The following TNFSF4 variants were observed in gnomAD, a reference collection of about 807,000 sequenced individuals.
TNFSF4 encodes TNF superfamily member 4, also known as tumor necrosis factor ligand superfamily member 4.
Under a neutral mutation model 7.3 loss-of-function variants are expected in TNFSF4, and 4 were observed. The observed-to-expected ratio is 0.55, with a 90% confidence interval of 0.27 to 1.25. The LOEUF is 1.25. Ranked by LOEUF, TNFSF4 falls within the 50% of genes most tolerant of loss-of-function variation. The pLI is 0.12. For missense variants in TNFSF4, 181 were observed against 208.8 expected, an observed-to-expected ratio of 0.87 and a Z score of 0.82; for synonymous variants, 76 against 83.7, an observed-to-expected ratio of 0.91 and a Z score of 0.50.
the TNFSF4 span, among the ~76,000 whole-genome samples, chr1:173,229,411 C>T: frequency 4.6e-5 from 7 of 152,166 alleles, no homozygotes; most frequent in South Asian, 2.1e-4. Context: ...CAGGCCTGCC[C>T]GAAAAGAGCT....
chr1:173,285,369 T>C, the TNFSF4 span, among the ~76,000 whole-genome samples: 46,651 of 152,022 alleles, frequency 0.31, 7,695 homozygotes, highest in Admixed American at 0.4. Flanking sequence ...CTATTTCTGG[T>C]GAAGATGCTG....
chr1:173,238,833 G>T, the TNFSF4 span, among the ~76,000 whole-genome samples: 1 of 151,792 alleles, frequency 6.6e-6, no homozygotes, highest in Non-Finnish European at 1.5e-5. Flanking sequence ...TCATTGTGGA[G>T]TGAACTCAGT....
the TNFSF4 span, among the ~76,000 whole-genome samples, chr1:173,306,539 G>A: frequency 1.3e-5 from 2 of 151,902 alleles, no homozygotes; most frequent in African/African-American, 4.8e-5. Flanking sequence ...AATGTCAGTT[G>A]TTTCTTTCCT....
the TNFSF4 span, among the ~76,000 whole-genome samples, chr1:173,430,063 C>T: frequency 6.6e-6 from 1 of 152,126 alleles, no homozygotes; most frequent in Non-Finnish European, 1.5e-5. Flanking sequence ...CTGAGTCAAA[C>T]CCCAGCAGGC....
the TNFSF4 span, among the ~76,000 whole-genome samples, chr1:173,435,564 C>T: frequency 3.7e-4 from 56 of 152,318 alleles, 1 homozygote; most frequent in East Asian, 6.4e-3. Flanking sequence ...CTGGCCAATA[C>T]CTTGATCTTG....
the TNFSF4 span, among the ~76,000 whole-genome samples, chr1:173,330,256 A>C: frequency 6.6e-6 from 1 of 150,882 alleles, no homozygotes. Context: ...TAATGCTTTC[A>C]CTAATTTTTA....
At chr1:173,291,140 T>C in the TNFSF4 span, among the ~76,000 whole-genome samples, 1 of 152,150 alleles carries the variant, frequency 6.6e-6, no homozygotes, top group Non-Finnish European at 1.5e-5. Flanking sequence ...GGGGAGGCCT[T>C]AAAGAGCTTT....
At chr1:173,328,543 TAAAA>T in the TNFSF4 span, among the ~76,000 whole-genome samples, 2 of 134,264 alleles carry the variant, frequency 1.5e-5, no homozygotes, top group Admixed American at 7.4e-5. Flanking sequence ...ATCTTCGTAA[TAAAA>T]AAAAAAGTTT....
downstream of TNFSF4, among the ~76,000 whole-genome samples, chr1:173,182,942 G>T (rs1299214783): frequency 6.6e-6 from 1 of 152,150 alleles, no homozygotes; most frequent in African/African-American, 2.4e-5. Flanking sequence ...TGTTTGGGAA[G>T]GTTGCTGCCA....
chr1:173,371,464 T>A, the TNFSF4 span, among the ~76,000 whole-genome samples: 1 of 152,154 alleles, frequency 6.6e-6, no homozygotes, highest in East Asian at 1.9e-4. Context: ...GGTAGGAAAA[T>A]TCAGAAGGGC....
chr1:173,210,380 C>T (rs137992243), upstream of TNFSF4, among the ~76,000 whole-genome samples: 52 of 152,146 alleles, frequency 3.4e-4, no homozygotes, highest in African/African-American at 1.3e-3. Flanking sequence ...CTGGGAGAAA[C>T]GAGAAGCAGT....
At chr1:173,324,934 T>C in the TNFSF4 span, among the ~76,000 whole-genome samples, 1 of 152,198 alleles carries the variant, frequency 6.6e-6, no homozygotes, top group South Asian at 2.1e-4. Context: ...AACACCCCAC[T>C]GTCAACATTA....
chr1:173,249,873 C>T, the TNFSF4 span, among the ~76,000 whole-genome samples: 2 of 152,190 alleles, frequency 1.3e-5, no homozygotes, highest in East Asian at 1.9e-4. Flanking sequence ...ACACAGTCAA[C>T]ACTTAATAAA....
At chr1:173,228,317 G>C in the TNFSF4 span, among the ~76,000 whole-genome samples, 1 of 152,152 alleles carries the variant, frequency 6.6e-6, no homozygotes, top group Non-Finnish European at 1.5e-5. Context: ...CAGGCAAAGA[G>C]GGTCTGGAGT....
chr1:173,435,466 T>G, the TNFSF4 span, among the ~76,000 whole-genome samples: 147,629 of 152,252 alleles, frequency 0.97, 71,768 homozygotes, highest in East Asian at 1. Context: ...AGTGTCCTTA[T>G]AAGAGGAGAC....
At chr1:173,423,739 T>C in the TNFSF4 span, among the ~76,000 whole-genome samples, 1 of 152,264 alleles carries the variant, frequency 6.6e-6, no homozygotes, top group Non-Finnish European at 1.5e-5. Flanking sequence ...AAACTATGCC[T>C]ATCTTCTATG....
At chr1:173,316,467 T>C in the TNFSF4 span, among the ~76,000 whole-genome samples, 7 of 152,112 alleles carry the variant, frequency 4.6e-5, no homozygotes, top group Non-Finnish European at 8.8e-5. Context: ...CAAAGACTTT[T>C]TCCAAGTAAA....
At chr1:173,388,712 A>C in the TNFSF4 span, among the ~76,000 whole-genome samples, 1 of 152,262 alleles carries the variant, frequency 6.6e-6, no homozygotes, top group East Asian at 1.9e-4. Context: ...TTTACAAAAC[A>C]TAATTATTTT....
chr1:173,422,882 T>A, the TNFSF4 span, among the ~76,000 whole-genome samples: 3 of 152,124 alleles, frequency 2.0e-5, no homozygotes, highest in Non-Finnish European at 4.4e-5. Context: ...CACCACCAGA[T>A]GAGAGAGTTG....
Sources: gnomAD v4.1 joint callset for allele counts (sites outside exome capture counted in the v4.1 genomes callset) on GRCh38, gnomAD v4.1.1 for gene constraint, MANE v1.5 for transcripts, NCBI Gene and HGNC (gene_info 2026-07-23, HGNC 2026-07-21) for gene names.